TTN: variants seen among roughly 807,000 people sequenced by gnomAD.
The protein encoded by TTN is connectin.
Under a neutral mutation model 3,223.0 loss-of-function variants are expected in TTN, and 1,525 were observed. That is an observed-to-expected ratio of 0.47 (90% CI 0.45 to 0.49). The LOEUF (loss-of-function observed/expected upper bound fraction) is 0.49, where lower values mean the gene tolerates loss of function less well. Among genes scored for constraint, TTN ranks in the 20% least tolerant of loss-of-function variants. TTN has a pLI of 0.00. For synonymous variants in TTN, 14,094 were observed against 15,161.0 expected, an observed-to-expected ratio of 0.93 and a Z score of 5.17; for missense variants, 40,786 against 43,424.0, an observed-to-expected ratio of 0.94 and a Z score of 5.40.
rs1343660563 is a variant in TTN, at chr2:178,696,002, T to C, written c.31070A>G (p.His10357Arg). The C allele has an allele frequency of 3.2e-6, 5 of 1,548,698 alleles. No homozygotes were observed. The highest frequency in any genetic ancestry group is 4.4e-6 in the Non-Finnish European group (5 of 1,146,140). Residue 10357 changes from histidine (H) to arginine (R), a missense_variant, in exon 114 of 363, where the codon CAC becomes CGC. His to Arg is a conservative substitution (Grantham distance 29). Transcript: ENST00000589042. ...TTCAAAATCTTCTTCCCATTCCTCGTGAACTTCTTTTTTAGCTTCTACCTT... is the reference window on the plus strand; with the variant it reads ...TTCAAAATCTTCTTCCCATTCCTCGCGAACTTCTTTTTTAGCTTCTACCTT... ...EIKVEAKKEV[H>R]EEWEEDFEEG...
In TTN at chr2:178,781,029, A is replaced by C; in HGVS notation, c.3523+92T>G. 4 of 1,555,900 alleles carry C rather than the reference A, an allele frequency of 2.6e-6. No homozygotes were observed. In the South Asian group the frequency reaches 4.5e-5, roughly 18 times the overall value. ...CTGGGGCAAAGTATCAGAACCAGTA[A>C]GTGGCAACAGGTTTTTCAGCAAACG... On this transcript the variant is annotated intron_variant, in intron 21 of 362. Coordinates refer to ENST00000589042, the MANE Select transcript of TTN (RefSeq NM_001267550.2).
Position 178,590,259 on chromosome 2 carries a change from C to T in TTN, c.61466G>A (p.Arg20489Lys), listed in dbSNP as rs562641765. Residue 20489 changes from arginine (R) to lysine (K), a missense_variant, in exon 304 of 363, where the codon AGA (arginine) becomes AAA (lysine). Arg to Lys is a conservative substitution (Grantham distance 26). Coordinates refer to ENST00000589042, the MANE Select transcript of TTN (RefSeq NM_001267550.2). Reference protein sequence around the residue: ...DVTCRDVITVRVGQTIRILAR... With the variant: ...DVTCRDVITVKVGQTIRILAR... ...TAGAATGCGGATAGTTTGGCCTACT[C>T]TCACGGTAATAACATCACGACAAGT... The T allele has an allele frequency of 6.3e-6, 10 of 1,580,762 alleles. No homozygotes were observed. In the East Asian group the frequency reaches 1.6e-4, roughly 25 times the overall value.
Position 178,746,723 on chromosome 2 carries a change from T to A in TTN, c.11312-4802A>T, listed in dbSNP as rs747362741. 1.2e-6 allele frequency: 2 copies of A among 1,613,458 alleles called. 1 individual carries two copies. The highest frequency in any genetic ancestry group is 2.2e-5 in the South Asian group (2 of 91,070). ...CACTCTTTCCATTTTGATTCTTTCA[T>A]CTGGCTCTAGTAAAGATTTATTTCG... On this transcript the variant is annotated intron_variant, in intron 47 of 362. Transcript: ENST00000589042.
chr2:178,707,010 A>G, intron 100 of TTN, 56 bp from the exon 101 acceptor site: 2 of 1,450,988 alleles, frequency 1.4e-6, no homozygotes, highest in Non-Finnish European at 1.9e-6. Context: ...TACAATACAT[A>G]TCCCCCTTTG....
In TTN at chr2:178,754,035, G is replaced by A. The variant is rs2086289230; in HGVS notation, c.11255-855C>T. 2.0e-5 allele frequency: 3 copies of A among 152,098 alleles called. 1 individual carries two copies. The highest frequency in any genetic ancestry group is 4.1e-4 in the South Asian group (2 of 4,820). The allele number at this position is 152,098 out of a possible 1,614,324, so 9.4% of individuals were successfully genotyped here. ...CTAGGTAAGAATAAAGTTAGGGAAAGGCATAAATTAGCTGTGTTTGTAAGA... is the reference window on the plus strand; with the variant it reads ...CTAGGTAAGAATAAAGTTAGGGAAAAGCATAAATTAGCTGTGTTTGTAAGA... On this transcript the variant is annotated intron_variant, in intron 46 of 362. Transcript: ENST00000589042.
In TTN at chr2:178,669,462, G is replaced by A; in HGVS notation, c.35471-15C>T. On this transcript the variant is annotated splice_polypyrimidine_tract_variant and intron_variant, in intron 158 of 362. Coordinates refer to ENST00000589042, the MANE Select transcript of TTN (RefSeq NM_001267550.2). ...CATCCCAGGAACTTTAAAGATATTA[G>A]TATATTAATTGTTACAGATAACAAA... is the stretch of plus-strand genomic sequence containing the variant. 1 of 1,553,206 alleles carries A rather than the reference G, an allele frequency of 6.4e-7. No individual in the cohort carries two copies. Among genetic ancestry groups the A allele is most frequent in the African/African-American group, 1.4e-5 (1 of 72,288 alleles).
Position 178,603,923 on chromosome 2 carries a change from C to G in TTN, c.54764G>C (p.Gly18255Ala). The change falls in exon 282 of 363, where the codon GGT (glycine) becomes GCT (alanine). Residue 18255 changes from glycine (G) to alanine (A), a missense_variant. Gly to Ala is a moderately conservative substitution (Grantham distance 60, BLOSUM62 0). Transcript: ENST00000589042. The stretch of plus-strand genomic sequence containing the variant: ...TGGATCTGATGGTTCACTGGGAGGA[C>G]CAATTCCTGCAGCATTTATTGCCAT... Reference protein sequence around the residue: ...RAMAINAAGIGPPSEPSDPEV... With the variant: ...RAMAINAAGIAPPSEPSDPEV... 1 of 1,611,792 alleles carries G rather than the reference C, an allele frequency of 6.2e-7. No homozygotes were observed. Among genetic ancestry groups the G allele is most frequent in the Non-Finnish European group, 8.5e-7 (1 of 1,178,534 alleles).
At position 178,549,319 on chromosome 2, in the gene TTN, C is replaced by A. The variant is rs1435308882; in HGVS notation, c.92307G>T (p.Val30769=). 1 of 1,613,904 alleles carries A rather than the reference C, an allele frequency of 6.2e-7. No individual in the cohort carries two copies. The highest frequency in any genetic ancestry group is 8.5e-7 in the Non-Finnish European group (1 of 1,179,824). The part of the protein sequence containing the change: ...REKKSTRWVK[V]ISKRPISETR... ...TTTCAGAGATTGGTCGTTTGCTGAT[C>A]ACTTTTACCCATCTTGTGCTTTTCT... Residue 30769 remains valine (V), a synonymous_variant, in exon 339 of 363, where the codon GTG becomes GTT. Transcript: ENST00000589042.
In TTN at chr2:178,579,204, A is replaced by C; in HGVS notation, c.67826T>G (p.Ile22609Arg). The C allele has an allele frequency of 6.2e-7, 1 of 1,613,458 alleles. No individual in the cohort carries two copies. Among genetic ancestry groups the C allele is most frequent in the Non-Finnish European group, 8.5e-7 (1 of 1,179,550 alleles). Residue 22609 changes from isoleucine to arginine, a missense_variant, in exon 320 of 363, where the codon ATA (isoleucine) becomes AGA (arginine). Coordinates refer to ENST00000589042, the MANE Select transcript of TTN (RefSeq NM_001267550.2). ...VESSAVNTTL[I>R]VYDCQKSDAG... ...ATCAGATTTTTGGCAATCGTACACT[A>C]TAAGAGTTGTGTTAACCGCAGATGA... is the stretch of plus-strand genomic sequence containing the variant.
At chr2:178,651,568 ATGGT>A (rs1349565148) in intron 206 of TTN, 32 bp from the exon 207 acceptor site, 2 of 1,608,382 alleles carry the variant, frequency 1.2e-6, no homozygotes, top group Non-Finnish European at 1.7e-6. Context: ...GTTTAAGCTC[ATGGT>A]TTCAATGAAA....
rs1385559568 is a variant in TTN, at chr2:178,535,331, C to T, written c.101284G>A (p.Val33762Ile). The part of the protein sequence containing the change: ...LFGKTSYQFR[V>I]IAENKFGLSK... ...AGACCAAATTTATTTTCAGCTATTA[C>T]CCGGAACTGGTAACTTGTTTTTCCA... Residue 33762 changes from valine (V) to isoleucine (I), a missense_variant, in exon 358 of 363, where the codon GTA becomes ATA. Transcript: ENST00000589042. 2.5e-6 allele frequency: 4 copies of T among 1,613,794 alleles called. No homozygotes were observed. Among genetic ancestry groups the T allele is most frequent in the Non-Finnish European group, 3.4e-6 (4 of 1,179,852 alleles).
chr2:178,806,669 A>G (rs1387785845), intron 1 of TTN, among the ~76,000 whole-genome samples: 1 of 152,212 alleles, frequency 6.6e-6, no homozygotes, highest in East Asian at 1.9e-4. Flanking sequence ...CTGGGGCTGA[A>G]GGTATGCGTC....
chr2:178,617,988 G>C lies in TTN; in HGVS notation c.47363C>G (p.Ala15788Gly), dbSNP rs2057660238. The change falls in exon 253 of 363, where the codon GCT (alanine) becomes GGT (glycine). Residue 15788 changes from alanine (A) to glycine (G), a missense_variant. By Grantham distance (60) the Ala-to-Gly change is moderately conservative. Coordinates refer to ENST00000589042, the MANE Select transcript of TTN (RefSeq NM_001267550.2). ...TTCAATGACGTAGTTTGTGATCTCA[G>C]CACCTCCATCATACTCTGGTGGTTC... ...TWEPPEYDGG[A>G]EITNYVIELR... 2 of 1,612,470 alleles carry C rather than the reference G, an allele frequency of 1.2e-6. No homozygotes were observed. Among genetic ancestry groups the C allele is most frequent in the African/African-American group, 2.7e-5 (2 of 74,796 alleles).
chr2:178,742,559 G>T (rs538717193), intron 47 of TTN, among the ~76,000 whole-genome samples: 1 of 152,098 alleles, frequency 6.6e-6, no homozygotes, highest in East Asian at 1.9e-4. Context: ...AAGAAAATAA[G>T]ATAATCAAAA....
In TTN at chr2:178,577,440, A is replaced by C; in HGVS notation, c.68895T>G (p.Val22965=). The change falls in exon 324 of 363, where the codon GTT becomes GTG. Residue 22965 remains valine (V), a synonymous_variant. Coordinates refer to ENST00000589042, the MANE Select transcript of TTN (RefSeq NM_001267550.2). ...GLTIKAGDTI[V]LNAISILGKP... Reference sequence around the variant, plus strand: ...TGCCAAGAATGCTAATGGCATTCAAAACAATGGTATCCCCTGCTTTAATTG... The same window carrying C: ...TGCCAAGAATGCTAATGGCATTCAACACAATGGTATCCCCTGCTTTAATTG... The C allele has an allele frequency of 6.2e-7, 1 of 1,609,196 alleles. No individual in the cohort carries two copies. Among genetic ancestry groups the C allele is most frequent in the Non-Finnish European group, 8.5e-7 (1 of 1,177,208 alleles).
At chr2:178,685,140 C>G in intron 129 of TTN, 113 bp downstream of exon 129, 6 of 1,186,910 alleles carry the variant, frequency 5.1e-6, no homozygotes, top group Non-Finnish European at 7.1e-6. Flanking sequence ...TGTGTTCTGA[C>G]AAAACGTAGA....
chr2:178,564,606 G>A lies in TTN; in HGVS notation c.81526C>T (p.Arg27176Cys), dbSNP rs778385749. 39 of 1,613,428 alleles carry A rather than the reference G, an allele frequency of 2.4e-5. No individual in the cohort carries two copies. The highest frequency in any genetic ancestry group is 3.1e-5 in the Non-Finnish European group (36 of 1,179,686). ...CTTGTAATAACAATGGCTTCAGGGC[G>A]ACCAGGTGGGTCACATGGATCACGA... ...VARDPCDPPG[R>C]PEAIVITRNN... is the part of the protein sequence containing the mutation. The change falls in exon 326 of 363, where the codon CGC becomes TGC. Residue 27176 changes from arginine (R) to cysteine (C), a missense_variant. By Grantham distance (180) the Arg-to-Cys change is radical (BLOSUM62 -3). Coordinates refer to ENST00000589042, the MANE Select transcript of TTN (RefSeq NM_001267550.2).
rs1027617634 is a variant in TTN at position 178,776,788 on chromosome 2, A to G, written c.5076T>C (p.Gly1692=). Residue 1692 remains glycine, a synonymous_variant, in exon 28 of 363, where the codon GGT becomes GGC. Transcript: ENST00000589042. ...LRYGQEQWEE[G]DLYDKEKQQK... is the part of the protein sequence containing the mutation. Reference sequence around the variant, plus strand: ...GTTGTTTCTCTTTGTCATAGAGATCACCTTCTTCCCATTGCTCTTGGCCAT... The same window carrying G: ...GTTGTTTCTCTTTGTCATAGAGATCGCCTTCTTCCCATTGCTCTTGGCCAT... 6.2e-7 allele frequency: 1 copy of G among 1,613,986 alleles called. No individual in the cohort carries two copies. The highest frequency in any genetic ancestry group is 8.5e-7 in the Non-Finnish European group (1 of 1,180,008).
At chr2:178,611,302 C>T in intron 269 of TTN, 31 bp from the exon 270 acceptor site, 1 of 1,610,532 alleles carries the variant, frequency 6.2e-7, no homozygotes, top group South Asian at 1.1e-5. Context: ...GAGCAAAAAA[C>T]AGAGTATGTC....
Sources: allele counts gnomAD v4.1 joint callset (sites outside exome capture counted in the v4.1 genomes callset), GRCh38; gene constraint gnomAD v4.1.1; transcripts MANE v1.5; gene names NCBI Gene and HGNC (gene_info 2026-07-23, HGNC 2026-07-21).